FAF1: variants seen among roughly 807,000 people sequenced by gnomAD.
FAF1 encodes the protein FAS-associated factor 1.
A neutral mutation model predicts 92.5 loss-of-function variants in FAF1; 25 were observed. The ratio of observed to expected loss-of-function variants is 0.27; its 90% CI spans 0.20 to 0.38. The LOEUF is 0.38. Among genes scored for constraint, FAF1 ranks in the 10% least tolerant of loss-of-function variants. FAF1 has a pLI of 1.00. For missense variants in FAF1, 636 were observed against 793.3 expected, an observed-to-expected ratio of 0.80 and a Z score of 2.38; for synonymous variants, 234 against 273.2, an observed-to-expected ratio of 0.86 and a Z score of 1.42.
intron 1 of FAF1, among the ~76,000 whole-genome samples, chr1:50,869,050 A>G (rs779871128): frequency 1.3e-5 from 2 of 152,040 alleles, no homozygotes; most frequent in African/African-American, 2.4e-5. Flanking sequence ...AGTTTTGCCA[A>G]TTTTTGCTTG....
intron 15 of FAF1, among the ~76,000 whole-genome samples, chr1:50,507,999 A>G (rs1312846664): frequency 2.0e-5 from 3 of 152,252 alleles, no homozygotes; most frequent in Non-Finnish European, 4.4e-5. Context: ...GTAGTTCTAC[A>G]TTAGTCATTA....
Position 50,441,103 on chromosome 1 carries a change from T to C in FAF1, c.*337A>G, listed in dbSNP as rs1045574926. 1.4e-5 allele frequency: 3 copies of C among 211,116 alleles called. No individual in the cohort carries two copies. In the Admixed American group the frequency reaches 1.7e-4, roughly 12 times the overall value. The allele number at this position is 211,116 out of a possible 1,614,324, so 13.1% of individuals were successfully genotyped here. A position where few individuals can be genotyped will look rare whatever the true frequency, so the allele number is the denominator to read the frequency against. On this transcript the variant is annotated 3_prime_UTR_variant, in exon 19 of 19. Coordinates refer to ENST00000396153, the MANE Select transcript of FAF1 (RefSeq NM_007051.3). ...GAACAGACAGAACTGTCCTAGACAC[T>C]GTGGGGAAAAGATGGGCACTGGAGA... is the stretch of plus-strand genomic sequence containing the variant.
intron 13 of FAF1, among the ~76,000 whole-genome samples, chr1:50,562,972 A>G (rs765142341): frequency 3.9e-5 from 6 of 152,228 alleles, no homozygotes; most frequent in Non-Finnish European, 8.8e-5. Context: ...TACCTAAACA[A>G]TACAGTATAA....
intron 6 of FAF1, among the ~76,000 whole-genome samples, chr1:50,729,058 A>ATTTTTTTTTTTT (rs1195852048): frequency 1.4e-5 from 1 of 70,116 alleles, no homozygotes; most frequent in Non-Finnish European, 2.7e-5. Flanking sequence ...ATATATATAT[A>ATTTTTTTTTTTT]TTTTTTTTTT....
chr1:50,711,337 C>T (rs998318056), intron 6 of FAF1, among the ~76,000 whole-genome samples: 5 of 152,142 alleles, frequency 3.3e-5, no homozygotes, highest in Non-Finnish European at 7.3e-5. Context: ...AAAGGATCTA[C>T]AGTGCTTTTG....
chr1:50,618,560 G>A (rs1653044351), intron 8 of FAF1, among the ~76,000 whole-genome samples: 1 of 151,530 alleles, frequency 6.6e-6, no homozygotes, highest in African/African-American at 2.4e-5. Flanking sequence ...ACCGCGCCCG[G>A]CCACCTAAAT....
chr1:50,766,818 C>T (rs993905989), intron 4 of FAF1, among the ~76,000 whole-genome samples: 1 of 128,938 alleles, frequency 7.8e-6, no homozygotes, highest in Non-Finnish European at 1.7e-5. Flanking sequence ...AAAAACCACA[C>T]ATCCAAAAGA....
chr1:50,729,389 G>T (rs1658825700), intron 6 of FAF1, among the ~76,000 whole-genome samples: 1 of 151,098 alleles, frequency 6.6e-6, no homozygotes, highest in African/African-American at 2.4e-5. Context: ...GGTCACAAGT[G>T]AAATGTACCC....
At chr1:50,446,373 A>G (rs1646227400) in intron 18 of FAF1, among the ~76,000 whole-genome samples, 5 of 152,190 alleles carry the variant, frequency 3.3e-5, no homozygotes, top group Admixed American at 2.6e-4. Context: ...TCAAAATCCA[A>G]AACTTTTTGA....
intron 12 of FAF1, among the ~76,000 whole-genome samples, chr1:50,574,896 CTCTTTT>C (rs1650641235): frequency 8.1e-6 from 1 of 122,886 alleles, no homozygotes; most frequent in African/African-American, 3.3e-5. Context: ...GTTGTATTAA[CTCTTTT>C]TTTTTTTTTT....
intron 4 of FAF1, among the ~76,000 whole-genome samples, chr1:50,782,761 A>AT (rs1176961850): frequency 5.9e-5 from 9 of 152,070 alleles, no homozygotes; most frequent in African/African-American, 2.2e-4. Flanking sequence ...AAAGAAATAT[A>AT]TTTTTTAATA....
At chr1:50,578,407 A>G (rs1479034978) in intron 12 of FAF1, among the ~76,000 whole-genome samples, 1 of 152,214 alleles carries the variant, frequency 6.6e-6, no homozygotes, top group African/African-American at 2.4e-5. Context: ...AAATTTTAAA[A>G]AATAATCTTG....
intron 2 of FAF1, among the ~76,000 whole-genome samples, chr1:50,824,732 A>C (rs1644079346): frequency 6.6e-6 from 1 of 152,172 alleles, no homozygotes; most frequent in Non-Finnish European, 1.5e-5. Context: ...TTAAAAACAT[A>C]TGGTGCATAT....
At chr1:50,819,783 A>ATATATACGTATATATG (rs1644024833) in intron 2 of FAF1, among the ~76,000 whole-genome samples, 1 of 78,590 alleles carries the variant, frequency 1.3e-5, no homozygotes, top group Non-Finnish European at 2.7e-5. Flanking sequence ...ATATACATAT[A>ATATATACGTATATATG]TATACATATA....
chr1:50,876,570 C>G (rs1465946276), intron 1 of FAF1, among the ~76,000 whole-genome samples: 1 of 152,110 alleles, frequency 6.6e-6, no homozygotes, highest in Non-Finnish European at 1.5e-5. Flanking sequence ...ATGGCCAAAG[C>G]TAAAACATTT....
intron 2 of FAF1, among the ~76,000 whole-genome samples, chr1:50,836,182 T>TC (rs1557551219): frequency 7.0e-6 from 1 of 141,956 alleles, no homozygotes; most frequent in African/African-American, 2.7e-5. Context: ...TTTTTTTTTT[T>TC]TTTTTTTAGA....
At chr1:50,600,729 A>G (rs1652075442) in intron 8 of FAF1, among the ~76,000 whole-genome samples, 1 of 152,170 alleles carries the variant, frequency 6.6e-6, no homozygotes, top group African/African-American at 2.4e-5. Context: ...GGTTAAATGC[A>G]GAAGAAGGAA....
intron 1 of FAF1, among the ~76,000 whole-genome samples, chr1:50,858,782 TG>T (rs1644410479): frequency 6.6e-6 from 1 of 151,858 alleles, no homozygotes; most frequent in Non-Finnish European, 1.5e-5. Flanking sequence ...GACATACTTG[TG>T]ACCAAACTAA....
intron 8 of FAF1, among the ~76,000 whole-genome samples, chr1:50,628,248 T>C (rs1481757250): frequency 1.3e-5 from 2 of 152,058 alleles, no homozygotes; most frequent in Admixed American, 1.3e-4. Context: ...CCTGAGAAAA[T>C]AGAAGGTGAT....
Sources: gnomAD v4.1 joint callset for allele counts (sites outside exome capture counted in the v4.1 genomes callset) on GRCh38, gnomAD v4.1.1 for gene constraint, MANE v1.5 for transcripts, NCBI Gene and HGNC (gene_info 2026-07-23, HGNC 2026-07-21) for gene names.